STX11: variants seen among roughly 807,000 people sequenced by gnomAD.
STX11 encodes the protein syntaxin 11.
A neutral mutation model predicts 19.9 loss-of-function variants in STX11; 21 were observed. That is an observed-to-expected ratio of 1.06 (90% CI 0.75 to 1.52). The LOEUF (loss-of-function observed/expected upper bound fraction) is 1.52. STX11 is among the 40% of genes most tolerant of loss of function. The pLI, the probability that STX11 is intolerant of heterozygous loss-of-function variation, is 0.00. For synonymous variants in STX11, 193 were observed against 174.4 expected (o/e 1.11, Z -0.84); for missense variants, 438 against 405.9 (o/e 1.08, Z -0.68).
the STX11 span, among the ~76,000 whole-genome samples, chr6:144,141,221 T>A: frequency 6.6e-6 from 1 of 152,230 alleles, no homozygotes; most frequent in African/African-American, 2.4e-5. Context: ...TCAGATTTTT[T>A]AAAAACCCAT....
chr6:144,144,372 C>CA, the STX11 span, among the ~76,000 whole-genome samples: 1 of 152,100 alleles, frequency 6.6e-6, no homozygotes, highest in Non-Finnish European at 1.5e-5. Context: ...CATTGAGGTA[C>CA]AAAAAAGCCA....
At chr6:144,161,115 A>G (rs181742392) in intron 1 of STX11, among the ~76,000 whole-genome samples, 17 of 152,348 alleles carry the variant, frequency 1.1e-4, no homozygotes, top group Admixed American at 9.8e-4. Context: ...AGCCACGGTA[A>G]ATCCAGTTGA....
In STX11 at chr6:144,183,880, C is replaced by T. The variant is rs1257534911; in HGVS notation, c.-5-2743C>T. On this transcript the variant is annotated intron_variant, in intron 1 of 1. Transcript: ENST00000367568. This position sits in a 1 kb window ranked among gnomAD's most constrained non-coding sequence, Gnocchi z 4.6. Reference sequence around the variant, plus strand: ...CAGCTCTTTTCCCTAATGCTCTCCCCTCCCCCGCACTTCCCCGACAGGCCC... The same window carrying T: ...CAGCTCTTTTCCCTAATGCTCTCCCTTCCCCCGCACTTCCCCGACAGGCCC... 6.6e-6 allele frequency among the ~76,000 whole-genome samples: 1 copy of T among 152,136 alleles called. No individual in the cohort carries two copies. The highest frequency in any genetic ancestry group is 2.4e-5 in the African/African-American group (1 of 41,424).
At position 144,170,689 on chromosome 6, in the gene STX11, C is replaced by G. The variant is rs551109242; in HGVS notation, c.-5-15934C>G. 1.3e-5 allele frequency among the ~76,000 whole-genome samples: 2 copies of G among 152,158 alleles called. No homozygotes were observed. Among genetic ancestry groups the G allele is most frequent in the Non-Finnish European group, 2.9e-5 (2 of 67,994 alleles). ...TAGTTGGAAGAAAGATATTTAAAAC[C>G]TCAAGTAATTGAGTAATGCACAGGT... On this transcript the variant is annotated intron_variant, in intron 1 of 1. Transcript: ENST00000367568. The surrounding 1 kb of genome is among the most constrained non-coding windows in gnomAD (Gnocchi z 4.7).
At chr6:144,173,629 AC>A (rs1801701826) in intron 1 of STX11, among the ~76,000 whole-genome samples, 4 of 152,202 alleles carry the variant, frequency 2.6e-5, no homozygotes, top group Non-Finnish European at 4.4e-5. Flanking sequence ...CACACTCAAA[AC>A]ACTTTCAACA....
At position 144,182,875 on chromosome 6, in the gene STX11, T is replaced by A. The variant is rs1003930431; in HGVS notation, c.-5-3748T>A. ...TTCTTGCCTTGTTCATCAAAATGCA[T>A]CCATTCCATCTCATCCACTTGTTGC... On this transcript the variant is annotated intron_variant, in intron 1 of 1. Coordinates refer to ENST00000367568, the MANE Select transcript of STX11 (RefSeq NM_003764.4). This position sits in a 1 kb window ranked among gnomAD's most constrained non-coding sequence, Gnocchi z 4.8. 1.3e-5 allele frequency among the ~76,000 whole-genome samples: 2 copies of A among 152,182 alleles called. No homozygotes were observed. The highest frequency in any genetic ancestry group is 1.3e-4 in the Admixed American group (2 of 15,274).
Position 144,169,954 on chromosome 6 carries a change from A to G in STX11, c.-5-16669A>G, listed in dbSNP as rs1239940528. ...TGGCCTCCCAACACACTGAGATTAC[A>G]GGTGTGAGCCACCATGCATGGAGTG... is the stretch of plus-strand genomic sequence containing the variant. On this transcript the variant is annotated intron_variant, in intron 1 of 1. Transcript: ENST00000367568. This position sits in a 1 kb window ranked among gnomAD's most constrained non-coding sequence, Gnocchi z 5.2. Among the ~76,000 whole-genome samples, 1 of 152,218 alleles carries G rather than the reference A, an allele frequency of 6.6e-6. No homozygotes were observed.
intron 1 of STX11, among the ~76,000 whole-genome samples, chr6:144,158,421 A>T (rs1363639643): frequency 6.6e-6 from 1 of 152,210 alleles, no homozygotes; most frequent in Non-Finnish European, 1.5e-5. Flanking sequence ...AGAGATGCCA[A>T]ATTTTTTGAA....
chr6:144,155,242 C>G lies in STX11; in HGVS notation c.-6+4539C>G, dbSNP rs1386598231. 6.6e-6 allele frequency among the ~76,000 whole-genome samples: 1 copy of G among 152,120 alleles called. No individual in the cohort carries two copies. The highest frequency in any genetic ancestry group is 1.5e-5 in the Non-Finnish European group (1 of 68,032). On this transcript the variant is annotated intron_variant, in intron 1 of 1. Transcript: ENST00000367568. The surrounding 1 kb of genome is among the most constrained non-coding windows in gnomAD (Gnocchi z 4.5). ...TTAAAACGCCCAATTAATGTTGTAC[C>G]CAAACTGAATCAGCAAACTCACTTA... is the stretch of plus-strand genomic sequence containing the variant.
Position 144,172,099 on chromosome 6 carries a change from A to G in STX11, c.-5-14524A>G, listed in dbSNP as rs984845408. Among the ~76,000 whole-genome samples, 2 of 152,210 alleles carry G rather than the reference A, an allele frequency of 1.3e-5. No individual in the cohort carries two copies. The highest frequency in any genetic ancestry group is 4.8e-5 in the African/African-American group (2 of 41,464). On this transcript the variant is annotated intron_variant, in intron 1 of 1. Transcript: ENST00000367568. The surrounding 1 kb of genome is among the most constrained non-coding windows in gnomAD (Gnocchi z 4.2). Reference sequence around the variant, plus strand: ...GCCTCCATGTCTTCTTTAAAGAAGAATACACCTTAAGGAGCATGGAGAAAC... The same window carrying G: ...GCCTCCATGTCTTCTTTAAAGAAGAGTACACCTTAAGGAGCATGGAGAAAC...
chr6:144,154,004 T>G lies in STX11; in HGVS notation c.-6+3301T>G, dbSNP rs543776668. Among the ~76,000 whole-genome samples the G allele has an allele frequency of 3.9e-5, 6 of 152,366 alleles. No individual in the cohort carries two copies. The highest frequency in any genetic ancestry group is 1.4e-4 in the African/African-American group (6 of 41,596). On this transcript the variant is annotated intron_variant, in intron 1 of 1. Coordinates refer to ENST00000367568, the MANE Select transcript of STX11 (RefSeq NM_003764.4). The surrounding 1 kb of genome is among the most constrained non-coding windows in gnomAD (Gnocchi z 4.7). Reference sequence around the variant, plus strand: ...TTTATTGAGTGCTTATTAAGGGCCATGTACTATCCTAGACTCACTATGTGC... The same window carrying G: ...TTTATTGAGTGCTTATTAAGGGCCAGGTACTATCCTAGACTCACTATGTGC...
chr6:144,175,241 TCAAA>T lies in STX11; in HGVS notation c.-5-11378_-5-11375del, dbSNP rs1801750526. ...CTGGGCAACAGAGCGAGACCCTGTG[TCAAA>T]CAATAATAATAATGATAATATAGTA... is the stretch of plus-strand genomic sequence containing the variant. On this transcript the variant is annotated intron_variant, in intron 1 of 1. Transcript: ENST00000367568. The surrounding 1 kb of genome is among the most constrained non-coding windows in gnomAD (Gnocchi z 5.1). 6.6e-6 allele frequency among the ~76,000 whole-genome samples: 1 copy of T among 152,214 alleles called. No homozygotes were observed. The highest frequency in any genetic ancestry group is 1.5e-5 in the Non-Finnish European group (1 of 68,042).
upstream of STX11, among the ~76,000 whole-genome samples, chr6:144,147,249 T>C (rs1331250515): frequency 6.6e-6 from 1 of 152,176 alleles, no homozygotes; most frequent in Non-Finnish European, 1.5e-5. The surrounding 1 kb of genome is among the most constrained non-coding windows in gnomAD (Gnocchi z 4.2). Context: ...TTTTTATTCT[T>C]TCACTCCAAA....
rs774795779 is a variant in STX11, at chr6:144,151,080, C to T, written c.-6+377C>T. Among the ~76,000 whole-genome samples, 3 of 152,122 alleles carry T rather than the reference C, an allele frequency of 2.0e-5. No homozygotes were observed. The highest frequency in any genetic ancestry group is 4.4e-5 in the Non-Finnish European group (3 of 68,034). ...AGGCTGGAGTGTTTTTTTATTATCA[C>T]CTCTTCACTTCCTAGTAGGGTGACT... On this transcript the variant is annotated intron_variant, in intron 1 of 1. Transcript: ENST00000367568. This position sits in a 1 kb window ranked among gnomAD's most constrained non-coding sequence, Gnocchi z 4.6.
chr6:144,171,870 T>C (rs1238443347), intron 1 of STX11, among the ~76,000 whole-genome samples: 2 of 152,200 alleles, frequency 1.3e-5, no homozygotes, highest in Non-Finnish European at 2.9e-5. Context: ...ATGAGTAGAA[T>C]ATCACAAAGG....
chr6:144,183,094 A>C lies in STX11; in HGVS notation c.-5-3529A>C, dbSNP rs1204883666. 6.6e-6 allele frequency among the ~76,000 whole-genome samples: 1 copy of C among 152,256 alleles called. No individual in the cohort carries two copies. The highest frequency in any genetic ancestry group is 2.4e-5 in the African/African-American group (1 of 41,464). ...TTTATGGGGGTTTTTAAATTATGAA[A>C]TGTGTGTGGACATTATAAAAATTTT... On this transcript the variant is annotated intron_variant, in intron 1 of 1. Transcript: ENST00000367568. This position sits in a 1 kb window ranked among gnomAD's most constrained non-coding sequence, Gnocchi z 4.6.
chr6:144,151,404 AG>A lies in STX11; in HGVS notation c.-6+703del. 1 of 985,462 alleles carries A rather than the reference AG, an allele frequency of 1.0e-6. No homozygotes were observed. Among genetic ancestry groups the A allele is most frequent in the Non-Finnish European group, 1.2e-6 (1 of 829,942 alleles). 61.0% of individuals were successfully genotyped at this position (985,462 alleles called of 1,614,324 possible). ...AGCAGAGGGAGGAGCTGTTATTTAC[AG>A]GTATCCAAAAATGAGTCACAGGGCT... On this transcript the variant is annotated intron_variant, in intron 1 of 1. Coordinates refer to ENST00000367568, the MANE Select transcript of STX11 (RefSeq NM_003764.4). The surrounding 1 kb of genome is among the most constrained non-coding windows in gnomAD (Gnocchi z 4.6).
In STX11 at chr6:144,186,981, C is replaced by T. The variant is rs1562670484; in HGVS notation, c.354C>T (p.His118=). The T allele has an allele frequency of 6.2e-7, 1 of 1,609,122 alleles. No individual in the cohort carries two copies. Among genetic ancestry groups the T allele is most frequent in the Non-Finnish European group, 8.5e-7 (1 of 1,179,560 alleles). The change falls in exon 2 of 2, where the codon CAC becomes CAT. Residue 118 remains histidine, a synonymous_variant. Transcript: ENST00000367568. Reference sequence around the variant, plus strand: ...TGAGCGAGGCGGCTGAGGCCCAGCACGGCCCGCACTCGGCAGTGGCGCGCA... The same window carrying T: ...TGAGCGAGGCGGCTGAGGCCCAGCATGGCCCGCACTCGGCAGTGGCGCGCA... ...KELSEAAEAQ[H]GPHSAVARIS...
At chr6:144,140,248 A>ATT in the STX11 span, among the ~76,000 whole-genome samples, 1 of 45,026 alleles carries the variant, frequency 2.2e-5, no homozygotes, top group African/African-American at 1.7e-4. Flanking sequence ...ATATATATAT[A>ATT]TATATATTTA....
Sources: gnomAD v4.1 joint callset for allele counts (sites outside exome capture counted in the v4.1 genomes callset) on GRCh38, gnomAD v4.1.1 for gene constraint, Gnocchi (gnomAD v3.1) non-coding constraint, MANE v1.5 for transcripts, NCBI Gene and HGNC (gene_info 2026-07-23, HGNC 2026-07-21) for gene names.